The following PARP12 variants were observed in gnomAD, a reference collection of about 807,000 sequenced individuals.
PARP12 encodes the protein poly(ADP-ribose) polymerase family member 12.
Under a neutral mutation model 72.4 loss-of-function variants are expected in PARP12, and 59 were observed. That is an observed-to-expected ratio of 0.81 (90% CI 0.66 to 1.01). The LOEUF is 1.01. Ranked by LOEUF, PARP12 falls within the 50% of genes least tolerant of loss-of-function variation. PARP12 has a pLI of 0.00. For missense variants in PARP12, 851 were observed against 914.0 expected (o/e 0.93, Z 0.89); for synonymous variants, 403 against 371.4 (o/e 1.09, Z -0.98).
At chr7:140,045,548 T>C (rs113922448) in intron 5 of PARP12, among the ~76,000 whole-genome samples, 1,582 of 152,334 alleles carry the variant, frequency 0.01, 26 homozygotes, top group African/African-American at 0.036. Flanking sequence ...GGTTCTTTCA[T>C]TGTTTGACAG....
rs181896617 is a variant in PARP12 at position 140,038,188 on chromosome 7, C to T, written c.1183-332G>A. ...TCAAATGCCGGCAGAACAGCAACAG[C>T]GACTTCTGGAGTGCTGCTTGACTGG... On this transcript the variant is annotated intron_variant, in intron 6 of 11. Coordinates refer to ENST00000263549, the MANE Select transcript of PARP12 (RefSeq NM_022750.4). 4.1e-6 allele frequency: 4 copies of T among 985,436 alleles called. No individual in the cohort carries two copies. In the East Asian group the frequency reaches 3.4e-4, roughly 84 times the overall value. The allele number at this position is 985,436 out of a possible 1,614,324, so 61.0% of individuals were successfully genotyped here.
At position 140,026,291 on chromosome 7, in the gene PARP12, C is replaced by T. The variant is rs780551813; in HGVS notation, c.1686G>A (p.Leu562=). The part of the protein sequence containing the change: ...NGGKAVDERQ[L]FHGTSAIFVD... ...CAAAAATGGCGCTGGTGCCGTGGAA[C>T]AGCTGCCGCTCGTCCACGGCCTTCC... The change falls in exon 11 of 12, where the codon CTG becomes CTA. Residue 562 remains leucine, a synonymous_variant. Transcript: ENST00000263549. 6.2e-7 allele frequency: 1 copy of T among 1,613,520 alleles called. No homozygotes were observed. The highest frequency in any genetic ancestry group is 8.5e-7 in the Non-Finnish European group (1 of 1,179,984).
intron 3 of PARP12, 131 bp from the exon 4 acceptor site, chr7:140,054,894 G>A: frequency 1.4e-6 from 1 of 720,760 alleles, no homozygotes; most frequent in South Asian, 1.7e-5. Context: ...TGTTTGGGGT[G>A]AAAGTGCTCC....
chr7:140,035,907 A>G (rs1816140185), intron 7 of PARP12, among the ~76,000 whole-genome samples: 1 of 131,786 alleles, frequency 7.6e-6, no homozygotes, highest in Non-Finnish European at 1.6e-5. Context: ...GAGGACGAGG[A>G]GGAGGACAAG....
rs1229304968 is a variant in PARP12 at position 140,024,751 on chromosome 7, C to T, written c.1915G>A (p.Ala639Thr). The T allele has an allele frequency of 6.2e-7, 1 of 1,614,074 alleles. No individual in the cohort carries two copies. Among genetic ancestry groups the T allele is most frequent in the Admixed American group, 1.7e-5 (1 of 60,002 alleles). ...RGNASFVRPP[A>T]KEGWSNAFYD... ...AAGGCGTTGCTCCAGCCCTCCTTGG[C>T]CGGCGGACGGACAAAGGAGGCATTG... Residue 639 changes from alanine (A) to threonine (T), a missense_variant, in exon 12 of 12, where the codon GCC becomes ACC. Around this residue, in one of 3 missense-constraint regions of PARP12, gnomAD observed 347 missense variants for 396.1 expected, o/e 0.88. Transcript: ENST00000263549.
intron 4 of PARP12, among the ~76,000 whole-genome samples, chr7:140,047,273 G>A (rs914715667): frequency 5.3e-5 from 8 of 152,202 alleles, no homozygotes; most frequent in East Asian, 1.9e-4. Context: ...AGTATTGAGC[G>A]GTAAGGCCTT....
In PARP12 at chr7:140,057,885, C is replaced by T; in HGVS notation, c.462+14G>A. The T allele has an allele frequency of 6.2e-7, 1 of 1,613,944 alleles. No homozygotes were observed. Among genetic ancestry groups the T allele is most frequent in the Non-Finnish European group, 8.5e-7 (1 of 1,179,968 alleles). On this transcript the variant is annotated intron_variant, in intron 2 of 11. Transcript: ENST00000263549. ...CCAGGGAGCTGTGGAACCCAGACTT[C>T]CCCTGGCACTCACTTCTGGCAAAAG... is the stretch of plus-strand genomic sequence containing the variant.
Position 140,054,676 on chromosome 7 carries a change from C to T in PARP12, c.848G>A (p.Ser283Asn), listed in dbSNP as rs776119882. ...TTCCAACTTACCTTGAAAGCTACAA[C>T]TTTTCCGGATATGGTACAAACAGAT... The part of the protein sequence containing the change: ...DQICLYHIRK[S>N]CSFQDKCHRV... The change falls in exon 4 of 12, where the codon AGT (serine) becomes AAT (asparagine). Residue 283 changes from serine to asparagine, a missense_variant. Coordinates refer to ENST00000263549, the MANE Select transcript of PARP12 (RefSeq NM_022750.4). The T allele has an allele frequency of 6.2e-7, 1 of 1,613,402 alleles. No individual in the cohort carries two copies. The highest frequency in any genetic ancestry group is 1.1e-5 in the South Asian group (1 of 91,066).
intron 4 of PARP12, among the ~76,000 whole-genome samples, chr7:140,048,825 C>T (rs2116622709): frequency 6.6e-6 from 1 of 152,166 alleles, no homozygotes; most frequent in Admixed American, 6.5e-5. Flanking sequence ...GGAAACTGAA[C>T]AGACACATAC....
chr7:140,027,138 A>G, intron 10 of PARP12, 138 bp downstream of exon 10: 1 of 1,214,978 alleles, frequency 8.2e-7, no homozygotes, highest in Non-Finnish European at 1.2e-6. Flanking sequence ...GACGAAGGAG[A>G]GCAGACACAC....
intron 4 of PARP12, among the ~76,000 whole-genome samples, chr7:140,049,935 T>G (rs1816895190): frequency 6.6e-6 from 1 of 152,122 alleles, no homozygotes; most frequent in African/African-American, 2.4e-5. Context: ...TCCAGGGGCT[T>G]TCTAGGACGT....
At chr7:140,033,720 GCT>G in intron 8 of PARP12, 1 of 989,908 alleles carries the variant, frequency 1.0e-6, no homozygotes, top group Non-Finnish European at 1.2e-6. Context: ...CAGGCCACAG[GCT>G]AACCTGGTGG....
intron 1 of PARP12, among the ~76,000 whole-genome samples, chr7:140,060,111 T>C (rs894560852): frequency 4.6e-5 from 7 of 152,246 alleles, no homozygotes; most frequent in Non-Finnish European, 1.0e-4. Context: ...GAGTTAATCA[T>C]TCAGTCCTCA....
At chr7:140,054,882 C>G in intron 3 of PARP12, 119 bp from the exon 4 acceptor site, 1 of 828,960 alleles carries the variant, frequency 1.2e-6, no homozygotes, top group Non-Finnish European at 1.9e-6. Flanking sequence ...AAAGCCCTAT[C>G]GTGTTTGGGG....
chr7:140,024,191 T>C lies in PARP12; in HGVS notation c.*369A>G, dbSNP rs1815631674. ...GAAAAACTATGATGCCATGAGACTC[T>C]GAGAAACCGAATCACTGCAGAGACA... is the stretch of plus-strand genomic sequence containing the variant. On this transcript the variant is annotated 3_prime_UTR_variant, in exon 12 of 12. Transcript: ENST00000263549. 6.3e-6 allele frequency: 2 copies of C among 319,874 alleles called. No individual in the cohort carries two copies. The highest frequency in any genetic ancestry group is 4.3e-5 in the African/African-American group (2 of 46,098). 19.8% of individuals were successfully genotyped at this position (319,874 alleles called of 1,614,324 possible).
At chr7:140,047,114 G>A in intron 4 of PARP12, 107 bp from the exon 5 acceptor site, 1 of 1,292,962 alleles carries the variant, frequency 7.7e-7, no homozygotes, top group Non-Finnish European at 1.0e-6. Context: ...GGAACATTCT[G>A]AAATGTGTGG....
chr7:140,037,882 T>C (rs1320057176), intron 6 of PARP12, 26 bp from the exon 7 acceptor site: 2 of 1,595,890 alleles, frequency 1.3e-6, no homozygotes, highest in Non-Finnish European at 1.7e-6. Flanking sequence ...AGACACTTTA[T>C]GAAGGCAAGA....
chr7:140,034,201 C>A, intron 8 of PARP12, 34 bp downstream of exon 8: 1 of 1,603,066 alleles, frequency 6.2e-7, no homozygotes. Flanking sequence ...CAGCTGATTA[C>A]ATCCTAAGTA....
At chr7:140,057,478 C>A in intron 2 of PARP12, 1 of 404,368 alleles carries the variant, frequency 2.5e-6, no homozygotes, top group African/African-American at 2.1e-5. Context: ...TACAATCTAC[C>A]TATACTCTTC....
Sources: gnomAD v4.1 joint callset for allele counts (sites outside exome capture counted in the v4.1 genomes callset) on GRCh38, gnomAD v4.1.1 for gene constraint, gnomAD v4.1.1 regional missense constraint, MANE v1.5 for transcripts, NCBI Gene and HGNC (gene_info 2026-07-23, HGNC 2026-07-21) for gene names.